The following ADAM32 variants were observed in gnomAD, a reference collection of about 807,000 sequenced individuals.
The protein encoded by ADAM32 is disintegrin and metalloproteinase domain-containing protein 32.
In ADAM32, 89 loss-of-function variants were observed where a neutral mutation model predicts 114.9. That is an observed-to-expected ratio of 0.77 (90% CI 0.65 to 0.92). The LOEUF (loss-of-function observed/expected upper bound fraction) is 0.92. Ranked by LOEUF, ADAM32 falls within the 40% of genes least tolerant of loss-of-function variation. The probability of loss-of-function intolerance (pLI) is 0.00; values close to 1 mark genes in which losing one functional copy is unlikely to be tolerated. For synonymous variants in ADAM32, 285 were observed against 307.5 expected (o/e 0.93, Z 0.77); for missense variants, 870 against 932.8 (o/e 0.93, Z 0.88).
intron 19 of ADAM32, among the ~76,000 whole-genome samples, chr8:39,259,708 C>T (rs776677110): frequency 2.6e-5 from 4 of 152,084 alleles, no homozygotes; most frequent in Admixed American, 1.3e-4. Context: ...CTAGGATTTT[C>T]CAGTATATTT....
chr8:39,191,146 T>C (rs566712636), intron 11 of ADAM32, among the ~76,000 whole-genome samples: 12 of 152,360 alleles, frequency 7.9e-5, no homozygotes, highest in African/African-American at 2.9e-4. Flanking sequence ...CTTCATCTAG[T>C]CTACCACTGA....
chr8:39,147,354 A>G (rs1803567406), intron 4 of ADAM32, 149 bp downstream of exon 4: 1 of 316,462 alleles, frequency 3.2e-6, no homozygotes, highest in African/African-American at 2.2e-5. Flanking sequence ...AGTTTTGGTA[A>G]AGACAAATTA....
chr8:39,162,524 C>T (rs1268612338), intron 7 of ADAM32, among the ~76,000 whole-genome samples: 1 of 151,918 alleles, frequency 6.6e-6, no homozygotes, highest in Non-Finnish European at 1.5e-5. Context: ...GGGTATATAC[C>T]CAGTAATGGG....
chr8:39,116,924 C>T (rs1183666693), intron 1 of ADAM32, among the ~76,000 whole-genome samples: 2 of 151,890 alleles, frequency 1.3e-5, no homozygotes, highest in Admixed American at 1.3e-4. Flanking sequence ...TTCTCTGTTG[C>T]CCAGGCTGTA....
intron 20 of ADAM32, among the ~76,000 whole-genome samples, chr8:39,272,803 C>T (rs1005662381): frequency 1.3e-5 from 2 of 152,086 alleles, no homozygotes; most frequent in Non-Finnish European, 1.5e-5. Flanking sequence ...ATTAACCTTA[C>T]GTTTTACTAT....
At chr8:39,134,966 A>T (rs1183241620) in intron 2 of ADAM32, among the ~76,000 whole-genome samples, 1 of 152,026 alleles carries the variant, frequency 6.6e-6, no homozygotes, top group Non-Finnish European at 1.5e-5. Flanking sequence ...GACCAGCCTG[A>T]CCAGCATGGA....
chr8:39,107,871 C>G, intron 1 of ADAM32, 38 bp downstream of exon 1: 1 of 1,496,804 alleles, frequency 6.7e-7, no homozygotes, highest in Non-Finnish European at 8.9e-7. Flanking sequence ...TCCGGGCGCT[C>G]GTCACACTGC....
chr8:39,197,241 C>G (rs1807071219), intron 11 of ADAM32, among the ~76,000 whole-genome samples: 2 of 151,846 alleles, frequency 1.3e-5, no homozygotes, highest in Non-Finnish European at 2.9e-5. Context: ...CTTGTTTAGT[C>G]TAGATATCTG....
At chr8:39,154,818 T>C (rs1209358015) in intron 6 of ADAM32, among the ~76,000 whole-genome samples, 1 of 152,104 alleles carries the variant, frequency 6.6e-6, no homozygotes, top group Non-Finnish European at 1.5e-5. Context: ...TTTTCATATG[T>C]TTGTTGGTTG....
chr8:39,155,201 AACATAGT>A (rs1804069554), intron 6 of ADAM32, among the ~76,000 whole-genome samples: 1 of 152,232 alleles, frequency 6.6e-6, no homozygotes, highest in African/African-American at 2.4e-5. Context: ...ACTCCTATTC[AACATAGT>A]ATTGGAAATT....
chr8:39,227,112 G>T (rs1585588417), intron 14 of ADAM32, among the ~76,000 whole-genome samples: 1 of 152,140 alleles, frequency 6.6e-6, no homozygotes, highest in Non-Finnish European at 1.5e-5. Context: ...ACAATCCTGA[G>T]AGGACCCACA....
chr8:39,201,670 T>G (rs1807422645), intron 11 of ADAM32, among the ~76,000 whole-genome samples: 2 of 152,210 alleles, frequency 1.3e-5, no homozygotes, highest in African/African-American at 4.8e-5. Flanking sequence ...GTATGTTGAA[T>G]ACGAGTGGTA....
intron 2 of ADAM32, among the ~76,000 whole-genome samples, chr8:39,128,422 A>C (rs1406249555): frequency 2.0e-5 from 3 of 151,996 alleles, no homozygotes; most frequent in Non-Finnish European, 4.4e-5. Context: ...TTTGCACTTG[A>C]GATAGTCTCT....
rs114168109 is a variant in ADAM32 at position 39,237,154 on chromosome 8, G to A, written c.1818+3072G>A. ...AGAGCTGAAATGAATTTAGAGAGCCGAGCAAACCATAAAAGTAGAAGAAGC... is the reference window on the plus strand; with the variant it reads ...AGAGCTGAAATGAATTTAGAGAGCCAAGCAAACCATAAAAGTAGAAGAAGC... On this transcript the variant is annotated intron_variant, in intron 16 of 24. Transcript: ENST00000379907. Among the ~76,000 whole-genome samples, 986 of 152,214 alleles carry A rather than the reference G, an allele frequency of 6.5e-3. 9 individuals carry two copies. The highest frequency in any genetic ancestry group is 0.023 in the African/African-American group (938 of 41,526).
At chr8:39,129,982 T>A (rs1802344116) in intron 2 of ADAM32, 1 of 343,758 alleles carries the variant, frequency 2.9e-6, no homozygotes, top group Non-Finnish European at 5.7e-6. Context: ...CAAGACAATG[T>A]CTCACTCTGT....
intron 11 of ADAM32, among the ~76,000 whole-genome samples, chr8:39,200,449 C>T (rs566370420): frequency 7.9e-4 from 58 of 73,660 alleles, no homozygotes; most frequent in Admixed American, 1.8e-3. Flanking sequence ...TCATCTCCTT[C>T]GCCCACTTTT....
intron 17 of ADAM32, among the ~76,000 whole-genome samples, chr8:39,251,563 T>C (rs1222752467): frequency 6.6e-6 from 1 of 151,804 alleles, no homozygotes; most frequent in Non-Finnish European, 1.5e-5. Flanking sequence ...TCATATACTT[T>C]GTGGAGTTTT....
chr8:39,144,344 A>G (rs1803365215), intron 3 of ADAM32, among the ~76,000 whole-genome samples: 1 of 152,224 alleles, frequency 6.6e-6, no homozygotes, highest in Non-Finnish European at 1.5e-5. Flanking sequence ...GTTCCTATTC[A>G]GCCATCTTGG....
Position 39,211,143 on chromosome 8 carries a change from G to A in ADAM32, c.1053-1G>A, listed in dbSNP as rs1230129934. The A allele has an allele frequency of 2.6e-6, 4 of 1,557,626 alleles. No individual in the cohort carries two copies. In the South Asian group the frequency reaches 5.0e-5, roughly 19 times the overall value. ...ATGACATTATATGGATTCATCTTTA[G>A]GCAATCCAATGGTGTGAAGACTTTT... On this transcript the variant is annotated splice_acceptor_variant, in intron 11 of 24. Coordinates refer to ENST00000379907, the MANE Select transcript of ADAM32 (RefSeq NM_145004.7). LOFTEE classifies it high-confidence loss of function.
Sources: allele counts gnomAD v4.1 joint callset (sites outside exome capture counted in the v4.1 genomes callset), GRCh38; gene constraint gnomAD v4.1.1; transcripts MANE v1.5; gene names NCBI Gene and HGNC (gene_info 2026-07-23, HGNC 2026-07-21).